GRIK4: variants seen among roughly 807,000 people sequenced by gnomAD.
The protein encoded by GRIK4 is glutamate ionotropic receptor kainate type subunit 4, also known as glutamate receptor ionotropic, kainate 4.
Under a neutral mutation model 104.9 loss-of-function variants are expected in GRIK4, and 40 were observed. The ratio of observed to expected loss-of-function variants is 0.38; its 90% CI spans 0.30 to 0.50. GRIK4 has a LOEUF of 0.50. Among genes scored for constraint, GRIK4 ranks in the 20% least tolerant of loss-of-function variants. GRIK4 has a pLI of 0.93. For synonymous variants in GRIK4, 485 were observed against 524.9 expected (o/e 0.92, Z 1.04); for missense variants, 1,047 against 1,308.1 (o/e 0.80, Z 3.08).
chr11:120,826,317 T>C (rs1953257690), intron 6 of GRIK4, among the ~76,000 whole-genome samples: 1 of 152,018 alleles, frequency 6.6e-6, no homozygotes, highest in South Asian at 2.1e-4. Context: ...GACCATCCCA[T>C]GTATCAGAGA....
At chr11:120,871,066 A>C (rs1212160833) in intron 9 of GRIK4, 1 of 154,780 alleles carries the variant, frequency 6.5e-6, no homozygotes, top group Non-Finnish European at 1.4e-5. Flanking sequence ...TGTCTTCTAG[A>C]ATTTCTTCCA....
At chr11:120,820,635 C>T (rs1219607150) in intron 6 of GRIK4, among the ~76,000 whole-genome samples, 2 of 152,200 alleles carry the variant, frequency 1.3e-5, no homozygotes, top group Admixed American at 1.3e-4. Context: ...CTGCTGGAAC[C>T]CAGTGCCTGA....
chr11:120,560,112 C>T (rs867591250), intron 1 of GRIK4, among the ~76,000 whole-genome samples: 5 of 151,748 alleles, frequency 3.3e-5, no homozygotes, highest in South Asian at 2.1e-4. Context: ...TGCAGTGTTG[C>T]GATCTTGGAT....
intron 1 of GRIK4, among the ~76,000 whole-genome samples, chr11:120,528,950 T>C (rs1947893757): frequency 6.6e-6 from 1 of 152,206 alleles, no homozygotes; most frequent in African/African-American, 2.4e-5. Flanking sequence ...TGTGCCCATC[T>C]ACAGCACTTT....
intron 13 of GRIK4, among the ~76,000 whole-genome samples, chr11:120,922,438 C>A (rs541739675): frequency 6.6e-6 from 1 of 152,172 alleles, no homozygotes; most frequent in Non-Finnish European, 1.5e-5. Context: ...CAGCTAGGCC[C>A]TGCTCATCCC....
intron 3 of GRIK4, among the ~76,000 whole-genome samples, chr11:120,790,118 C>G (rs1264419300): frequency 6.6e-6 from 1 of 152,178 alleles, no homozygotes; most frequent in Non-Finnish European, 1.5e-5. Flanking sequence ...AAGATTTTGT[C>G]ATATCACTTA....
intron 11 of GRIK4, among the ~76,000 whole-genome samples, chr11:120,875,854 CAG>C (rs1383990840): frequency 2.0e-5 from 3 of 152,138 alleles, no homozygotes; most frequent in Non-Finnish European, 2.9e-5. Flanking sequence ...TCAGAAGAAA[CAG>C]AGATCTGAAA....
chr11:120,815,356 C>T (rs1952924279), intron 4 of GRIK4, 22 bp from the exon 5 acceptor site: 2 of 1,428,776 alleles, frequency 1.4e-6, no homozygotes, highest in African/African-American at 1.4e-5. Flanking sequence ...GCTTCTTTCC[C>T]TGTCCCTGCC....
intron 6 of GRIK4, among the ~76,000 whole-genome samples, 197 bp downstream of exon 6, chr11:120,820,117 TTAAGAGAGAAAGAGAAA>T (rs1953073624): frequency 2.3e-5 from 3 of 130,024 alleles, no homozygotes; most frequent in African/African-American, 6.1e-5. Flanking sequence ...GTGTGTGTGT[TTAAGAGAGAAAGAGAAA>T]AAGAGAGAAA....
intron 1 of GRIK4, among the ~76,000 whole-genome samples, chr11:120,574,346 A>G (rs1241293387): frequency 6.6e-6 from 1 of 152,248 alleles, no homozygotes; most frequent in Non-Finnish European, 1.5e-5. Context: ...TAACAATAAT[A>G]GCCAAAATAG....
At chr11:120,972,478 C>A (rs531046410) in intron 19 of GRIK4, among the ~76,000 whole-genome samples, 1 of 151,958 alleles carries the variant, frequency 6.6e-6, no homozygotes, top group Non-Finnish European at 1.5e-5. Flanking sequence ...AAGGTTAATT[C>A]CTAATAGGAT....
At chr11:120,556,949 C>T (rs1212659520) in intron 1 of GRIK4, among the ~76,000 whole-genome samples, 4 of 152,080 alleles carry the variant, frequency 2.6e-5, no homozygotes. Flanking sequence ...CTCCTGACAG[C>T]GGGCAGCTGC....
At chr11:120,927,582 A>G (rs562414620) in intron 13 of GRIK4, among the ~76,000 whole-genome samples, 2,586 of 148,538 alleles carry the variant, frequency 0.017, 23 homozygotes, top group Middle Eastern at 0.042. Context: ...AAAAAAAAAA[A>G]AAAAAAAGAA....
intron 2 of GRIK4, among the ~76,000 whole-genome samples, chr11:120,655,180 G>A (rs1949687164): frequency 6.6e-6 from 1 of 151,924 alleles, no homozygotes; most frequent in Non-Finnish European, 1.5e-5. Flanking sequence ...GTCCCAGTGA[G>A]GCATGTTAGG....
intron 8 of GRIK4, among the ~76,000 whole-genome samples, chr11:120,842,279 G>A (rs770944589): frequency 1.3e-5 from 2 of 152,196 alleles, no homozygotes; most frequent in African/African-American, 2.4e-5. Context: ...GTTTATAAAT[G>A]TGTCCTCTTA....
intron 1 of GRIK4, among the ~76,000 whole-genome samples, chr11:120,616,181 G>A (rs1188691186): frequency 6.6e-6 from 1 of 152,114 alleles, no homozygotes; most frequent in Admixed American, 6.5e-5. Context: ...GGGAATTGGT[G>A]CATGGTGGGG....
intron 1 of GRIK4, among the ~76,000 whole-genome samples, chr11:120,629,883 C>T (rs937161677): frequency 2.1e-4 from 32 of 152,320 alleles, no homozygotes; most frequent in African/African-American, 7.5e-4. Flanking sequence ...GGGCAGGGGC[C>T]TCTCTGCTGA....
chr11:120,557,978 A>G (rs1948203485), intron 1 of GRIK4, among the ~76,000 whole-genome samples: 1 of 143,986 alleles, frequency 6.9e-6, no homozygotes, highest in African/African-American at 2.6e-5. Context: ...AGATTGGGCC[A>G]CTGCAGTCCA....
At chr11:120,883,857 T>C (rs1955040021) in intron 11 of GRIK4, among the ~76,000 whole-genome samples, 1 of 152,338 alleles carries the variant, frequency 6.6e-6, no homozygotes, top group South Asian at 2.1e-4. Context: ...CCAGTGACTC[T>C]TTTCCGTGCC....
Sources: allele counts gnomAD v4.1 joint callset (sites outside exome capture counted in the v4.1 genomes callset), GRCh38; gene constraint gnomAD v4.1.1; transcripts MANE v1.5; gene names NCBI Gene and HGNC (gene_info 2026-07-23, HGNC 2026-07-21).